THADA: variants seen among roughly 807,000 people sequenced by gnomAD.
The protein encoded by THADA is tRNA (32-2'-O)-methyltransferase regulator THADA.
In THADA, 213 loss-of-function variants were observed where a neutral mutation model predicts 219.8. The observed-to-expected ratio is 0.97, with a 90% CI of 0.87 to 1.09. THADA has a LOEUF of 1.09. Among genes scored for constraint, THADA ranks in the 50% least tolerant of loss-of-function variants. The probability of loss-of-function intolerance (pLI) is 0.00; values close to 1 mark genes in which losing one functional copy is unlikely to be tolerated. For missense variants in THADA, 2,956 were observed against 2,311.3 expected, an observed-to-expected ratio of 1.28 and a Z score of -5.72; for synonymous variants, 1,018 against 828.9, an observed-to-expected ratio of 1.23 and a Z score of -3.92.
intron 31 of THADA, among the ~76,000 whole-genome samples, chr2:43,320,196 G>C (rs1678534412): frequency 6.6e-6 from 1 of 152,054 alleles, no homozygotes; most frequent in South Asian, 2.1e-4. Flanking sequence ...ATGCAGAGAG[G>C]GTATCTGAGT....
intron 7 of THADA, among the ~76,000 whole-genome samples, chr2:43,585,596 G>A (rs1328924499): frequency 6.6e-6 from 1 of 150,880 alleles, no homozygotes; most frequent in Non-Finnish European, 1.5e-5. Flanking sequence ...ATACATAATT[G>A]CCCAGCCAAG....
chr2:43,501,676 G>A (rs1487858894), intron 24 of THADA, among the ~76,000 whole-genome samples: 1 of 152,230 alleles, frequency 6.6e-6, no homozygotes, highest in Non-Finnish European at 1.5e-5. Flanking sequence ...AGGTGTGGTG[G>A]CTCACGCCTG....
chr2:43,556,254 A>G, intron 17 of THADA, 91 bp downstream of exon 17: 7 of 1,529,958 alleles, frequency 4.6e-6, no homozygotes, highest in Non-Finnish European at 6.1e-6. Context: ...ATAAAAAACC[A>G]CAAAATATAT....
At chr2:43,388,348 G>A (rs761400680) in intron 29 of THADA, among the ~76,000 whole-genome samples, 7 of 152,130 alleles carry the variant, frequency 4.6e-5, no homozygotes, top group East Asian at 1.9e-4. Context: ...CAGAATTATC[G>A]TCAGTCATAT....
chr2:43,457,428 A>T (rs1683148482), intron 26 of THADA, among the ~76,000 whole-genome samples: 1 of 152,174 alleles, frequency 6.6e-6, no homozygotes, highest in Non-Finnish European at 1.5e-5. Context: ...CAACAGACTT[A>T]CTAGTAGTTG....
At chr2:43,430,786 G>T in intron 26 of THADA, 1 of 296,054 alleles carries the variant, frequency 3.4e-6, no homozygotes, top group Admixed American at 3.6e-5. Context: ...AGCCTCCGTG[G>T]CTTCTACCCA....
intron 20 of THADA, among the ~76,000 whole-genome samples, chr2:43,544,275 T>C (rs945953526): frequency 7.9e-5 from 12 of 152,230 alleles, no homozygotes; most frequent in Admixed American, 7.2e-4. Flanking sequence ...TTGGTTACTG[T>C]AGCCTTATAG....
At chr2:43,496,398 A>G (rs1558856089) in intron 25 of THADA, among the ~76,000 whole-genome samples, 1 of 152,224 alleles carries the variant, frequency 6.6e-6, no homozygotes, top group Non-Finnish European at 1.5e-5. Flanking sequence ...GACAGTGAAC[A>G]TATTACAAAA....
At position 43,535,168 on chromosome 2, in the gene THADA, CTTTTTTTTTTTTTTT is replaced by C. The variant is rs549879408; in HGVS notation, c.3264+5976_3264+5990del. Among the ~76,000 whole-genome samples the C allele has an allele frequency of 2.9e-3, 150 of 52,566 alleles. 3 individuals are homozygous for C. The highest frequency in any genetic ancestry group is 0.017 in the Middle Eastern group (1 of 58). The allele number at this position is 52,566 out of a possible 152,430, so 34.5% of individuals were successfully genotyped here. A position where few individuals can be genotyped will look rare whatever the true frequency, so the allele number is the denominator to read the frequency against. On this transcript the variant is annotated intron_variant, in intron 21 of 37. Coordinates refer to ENST00000405975, the MANE Select transcript of THADA (RefSeq NM_022065.5). ...GAAATGTCTGTTCAGATCATTTGTCCTTTTTTTTTTTTTTTTTTTTTTTTTGCTGTTGAGATGTTT... is the reference window on the plus strand; with the variant it reads ...GAAATGTCTGTTCAGATCATTTGTCCTTTTTTTTTTGCTGTTGAGATGTTT...
chr2:43,528,893 C>T (rs7591387), intron 21 of THADA, among the ~76,000 whole-genome samples: 15,234 of 151,970 alleles, frequency 0.1, 817 homozygotes, highest in South Asian at 0.14. Flanking sequence ...TACTTTTGTA[C>T]AACCATCACC....
In THADA at chr2:43,586,844, G is replaced by A. The variant is rs1019899181; in HGVS notation, c.451+10C>T. On this transcript the variant is annotated intron_variant, in intron 5 of 37. Coordinates refer to ENST00000405975, the MANE Select transcript of THADA (RefSeq NM_022065.5). ...TAGCCAGAAAAAGGACTAGAAAAGTGCAGCCTTACCCAAGTTAAAGTTCTC... is the reference window on the plus strand; with the variant it reads ...TAGCCAGAAAAAGGACTAGAAAAGTACAGCCTTACCCAAGTTAAAGTTCTC... 4 of 1,612,938 alleles carry A rather than the reference G, an allele frequency of 2.5e-6. No homozygotes were observed. The highest frequency in any genetic ancestry group is 2.2e-5 in the East Asian group (1 of 44,852).
Position 43,486,069 on chromosome 2 carries a change from G to A in THADA, c.3745-744C>T, listed in dbSNP as rs546280216. Among the ~76,000 whole-genome samples the A allele has an allele frequency of 5.9e-5, 9 of 152,082 alleles. No homozygotes were observed. In the South Asian group the frequency reaches 1.5e-3, roughly 25 times the overall value. On this transcript the variant is annotated intron_variant, in intron 25 of 37. Coordinates refer to ENST00000405975, the MANE Select transcript of THADA (RefSeq NM_022065.5). Reference sequence around the variant, plus strand: ...ACTGTGCTCCAGCCTGGGCAAAAGAGTGAGAACCTGTCTTTAAAAAAACAA... The same window carrying A: ...ACTGTGCTCCAGCCTGGGCAAAAGAATGAGAACCTGTCTTTAAAAAAACAA...
chr2:43,268,942 G>T (rs552656644), intron 36 of THADA, among the ~76,000 whole-genome samples: 2 of 152,240 alleles, frequency 1.3e-5, no homozygotes, highest in East Asian at 1.9e-4. Flanking sequence ...CGAGAAAGGT[G>T]GGGGGGCCCA....
Position 43,552,225 on chromosome 2 carries a change from G to C in THADA, c.2789C>G (p.Ala930Gly), listed in dbSNP as rs747179151. Residue 930 changes from alanine to glycine, a missense_variant, in exon 18 of 38, where the codon GCT (alanine) becomes GGT (glycine). Coordinates refer to ENST00000405975, the MANE Select transcript of THADA (RefSeq NM_022065.5). ...MYGRVHCITG[A>G]LQKLSLNSLQ... ...TTACTTTAGAGATAACTTCTGCAAA[G>C]CTCCTGTTATACAGTGGACTCGCCC... The C allele has an allele frequency of 5.0e-6, 8 of 1,608,186 alleles. No homozygotes were observed. The highest frequency in any genetic ancestry group is 3.4e-5 in the Admixed American group (2 of 58,378).
intron 28 of THADA, among the ~76,000 whole-genome samples, chr2:43,402,249 C>A (rs1674944173): frequency 6.6e-6 from 1 of 152,190 alleles, no homozygotes; most frequent in Non-Finnish European, 1.5e-5. Context: ...AGGCGATATA[C>A]AGCCTGCTCA....
chr2:43,520,607 T>C (rs920315298), intron 22 of THADA, among the ~76,000 whole-genome samples: 2 of 151,968 alleles, frequency 1.3e-5, no homozygotes, highest in Non-Finnish European at 2.9e-5. Flanking sequence ...AGAGGACTGC[T>C]TGAGCCCAGG....
chr2:43,359,662 G>A (rs774854227), intron 29 of THADA, among the ~76,000 whole-genome samples: 2 of 152,144 alleles, frequency 1.3e-5, no homozygotes, highest in African/African-American at 2.4e-5. Flanking sequence ...CCTAGGTGAT[G>A]GAGCAAGACT....
chr2:43,267,959 G>A (rs964549462), intron 36 of THADA, among the ~76,000 whole-genome samples: 2 of 152,206 alleles, frequency 1.3e-5, no homozygotes, highest in African/African-American at 4.8e-5. Context: ...GACAGCCCTG[G>A]TTGTACTCCA....
intron 29 of THADA, among the ~76,000 whole-genome samples, chr2:43,371,283 G>A (rs774654375): frequency 5.9e-5 from 9 of 152,052 alleles, no homozygotes; most frequent in Non-Finnish European, 1.0e-4. Flanking sequence ...CACTCCTAAT[G>A]CAAAAATTTT....
Sources: allele counts gnomAD v4.1 joint callset (sites outside exome capture counted in the v4.1 genomes callset), GRCh38; gene constraint gnomAD v4.1.1; transcripts MANE v1.5; gene names NCBI Gene and HGNC (gene_info 2026-07-23, HGNC 2026-07-21).